The following ALDH2 variants were observed in gnomAD, a reference collection of about 807,000 sequenced individuals.
ALDH2 encodes aldehyde dehydrogenase 2 family member.
A neutral mutation model predicts 59.6 loss-of-function variants in ALDH2; 44 were observed. That is an observed-to-expected ratio of 0.74 (90% CI 0.58 to 0.95). ALDH2 has a LOEUF of 0.95. Among genes scored for constraint, ALDH2 ranks in the 40% least tolerant of loss-of-function variants. ALDH2 has a pLI of 0.00. For missense variants in ALDH2, 570 were observed against 696.3 expected (o/e 0.82, Z 2.04); for synonymous variants, 291 against 284.0 (o/e 1.02, Z -0.25).
At position 111,809,953 on chromosome 12, in the gene ALDH2, A is replaced by C; in HGVS notation, c.*378A>C. 3.6e-6 allele frequency: 1 copy of C among 279,822 alleles called. No individual in the cohort carries two copies. Among genetic ancestry groups the C allele is most frequent in the South Asian group, 5.8e-5 (1 of 17,140 alleles). 17.3% of individuals were successfully genotyped at this position (279,822 alleles called of 1,614,324 possible). A position where few individuals can be genotyped will look rare whatever the true frequency, so the allele number is the denominator to read the frequency against. On this transcript the variant is annotated 3_prime_UTR_variant, in exon 13 of 13. Coordinates refer to ENST00000261733, the MANE Select transcript of ALDH2 (RefSeq NM_000690.4). Reference sequence around the variant, plus strand: ...ACACCCTGCTTTGTATTCTGGGCTAAGATTCATTAAAAACTAGCTGCTCTT... The same window carrying C: ...ACACCCTGCTTTGTATTCTGGGCTACGATTCATTAAAAACTAGCTGCTCTT...
rs2068539203 is a variant in ALDH2 at position 111,811,994 on chromosome 12, A to G, written c.*2419A>G. ...CAAAAGGGGCAGGGTAAAGAGTGTGAGTCATCTCCAATGACAGGTAAGGTC... is the reference window on the plus strand; with the variant it reads ...CAAAAGGGGCAGGGTAAAGAGTGTGGGTCATCTCCAATGACAGGTAAGGTC... On this transcript the variant is annotated 3_prime_UTR_variant, in exon 13 of 13. Coordinates refer to ENST00000261733, the MANE Select transcript of ALDH2 (RefSeq NM_000690.4). 6.3e-6 allele frequency: 1 copy of G among 159,134 alleles called. No homozygotes were observed. The highest frequency in any genetic ancestry group is 3.2e-3 in the Middle Eastern group (1 of 312). The allele number at this position is 159,134 out of a possible 1,614,324, so 9.9% of individuals were successfully genotyped here.
rs2068561084 is a variant in ALDH2, at chr12:111,814,887, G to GA, written c.*5319dup. The GA allele has an allele frequency of 1.3e-5, 2 of 151,052 alleles. No individual in the cohort carries two copies. The highest frequency in any genetic ancestry group is 2.1e-4 in the South Asian group (1 of 4,800). The allele number at this position is 151,052 out of a possible 1,614,324, so 9.4% of individuals were successfully genotyped here. A position where few individuals can be genotyped will look rare whatever the true frequency, so the allele number is the denominator to read the frequency against. The stretch of plus-strand genomic sequence containing the variant: ...ATGTTATGTGAATTTCACCTCAACT[G>GA]AAAAAAACAGGGTCCCAGAGCTGGT... On this transcript the variant is annotated 3_prime_UTR_variant, in exon 13 of 13. Transcript: ENST00000261733.
intron 1 of ALDH2, among the ~76,000 whole-genome samples, chr12:111,776,024 A>G (rs1468677801): frequency 6.6e-6 from 1 of 152,166 alleles, no homozygotes; most frequent in Non-Finnish European, 1.5e-5. Flanking sequence ...TCAACAGTGA[A>G]GGGTGATTGA....
At chr12:111,790,098 C>A (rs1394241168) in intron 5 of ALDH2, among the ~76,000 whole-genome samples, 164 bp downstream of exon 5, 2 of 152,132 alleles carry the variant, frequency 1.3e-5, no homozygotes, top group African/African-American at 2.4e-5. Context: ...CACTGCCACT[C>A]GTGAATTCTG....
intron 1 of ALDH2, among the ~76,000 whole-genome samples, chr12:111,767,724 A>C (rs1398998588): frequency 6.6e-6 from 1 of 152,164 alleles, no homozygotes; most frequent in Non-Finnish European, 1.5e-5. Context: ...TCCAGGATAA[A>C]ACTGATTCCT....
At chr12:111,782,441 C>T (rs555192404) in intron 2 of ALDH2, among the ~76,000 whole-genome samples, 17 of 152,344 alleles carry the variant, frequency 1.1e-4, no homozygotes, top group South Asian at 8.3e-4. Context: ...TGTTTTTGGC[C>T]GGGCGCAGTG....
intron 11 of ALDH2, among the ~76,000 whole-genome samples, chr12:111,801,105 G>A (rs2068448227): frequency 6.6e-6 from 1 of 152,218 alleles, no homozygotes; most frequent in Non-Finnish European, 1.5e-5. Flanking sequence ...CCACGTGGCT[G>A]GGGAGGCCTC....
chr12:111,777,781 G>A (rs547680245), intron 1 of ALDH2, among the ~76,000 whole-genome samples: 26 of 152,250 alleles, frequency 1.7e-4, no homozygotes, highest in Admixed American at 4.6e-4. Context: ...TTGAACCTGA[G>A]CTCTTTATTG....
At chr12:111,773,876 C>T (rs1288851164) in intron 1 of ALDH2, among the ~76,000 whole-genome samples, 2 of 152,100 alleles carry the variant, frequency 1.3e-5, no homozygotes, top group Non-Finnish European at 2.9e-5. Context: ...TTGCCATTTA[C>T]GAAACCATGT....
In ALDH2 at chr12:111,800,043, C is replaced by G. The variant is rs753058436; in HGVS notation, c.1386C>G (p.Ala462=). The G allele has an allele frequency of 1.9e-6, 3 of 1,612,994 alleles. No homozygotes were observed. The Admixed American group carries it at 5.0e-5, about 27-fold the overall frequency. ...DLDKANYLSQ[A]LQAGTVWVNC... is the part of the protein sequence containing the mutation. Reference sequence around the variant, plus strand: ...ACAAGGCCAATTACCTGTCCCAGGCCCTCCAGGCGGGCACTGTGTGGTAAG... The same window carrying G: ...ACAAGGCCAATTACCTGTCCCAGGCGCTCCAGGCGGGCACTGTGTGGTAAG... The change falls in exon 11 of 13, where the codon GCC becomes GCG. Residue 462 remains alanine (A), a synonymous_variant. Transcript: ENST00000261733.
chr12:111,803,685 A>T (rs2068471558), intron 11 of ALDH2, among the ~76,000 whole-genome samples, 174 bp from the exon 12 acceptor site: 1 of 151,856 alleles, frequency 6.6e-6, no homozygotes, highest in African/African-American at 2.4e-5. Flanking sequence ...GCAACGAGCC[A>T]AGATCATGCC....
intron 10 of ALDH2, among the ~76,000 whole-genome samples, chr12:111,798,804 C>T (rs933174093): frequency 5.3e-5 from 8 of 151,896 alleles, no homozygotes; most frequent in African/African-American, 1.9e-4. Context: ...GTCATGAGTT[C>T]GAGACCAGCC....
chr12:111,814,869 G>A lies in ALDH2; in HGVS notation c.*5294G>A, dbSNP rs1050910736. 2.7e-5 allele frequency: 4 copies of A among 150,878 alleles called. No homozygotes were observed. The highest frequency in any genetic ancestry group is 1.5e-5 in the Non-Finnish European group (1 of 67,696). 9.3% of individuals were successfully genotyped at this position (150,878 alleles called of 1,614,324 possible). ...AAAAAAAAAGTAAATGCTATGTTAT[G>A]TGAATTTCACCTCAACTGAAAAAAA... On this transcript the variant is annotated 3_prime_UTR_variant, in exon 13 of 13. Transcript: ENST00000261733.
intron 11 of ALDH2, among the ~76,000 whole-genome samples, chr12:111,803,007 A>G (rs2068466792): frequency 6.6e-6 from 1 of 151,710 alleles, no homozygotes; most frequent in Non-Finnish European, 1.5e-5. Context: ...CCTGACCAAC[A>G]TGGTGAAACC....
At chr12:111,783,330 C>A in intron 3 of ALDH2, 32 bp downstream of exon 3, 1 of 1,576,272 alleles carries the variant, frequency 6.3e-7, no homozygotes. Context: ...CCCTCAGATC[C>A]CATGTGGTGA....
chr12:111,794,665 C>T (rs533666501), intron 9 of ALDH2, among the ~76,000 whole-genome samples: 2 of 152,046 alleles, frequency 1.3e-5, no homozygotes, highest in Non-Finnish European at 2.9e-5. Flanking sequence ...CGTCACCACA[C>T]CTGGCTAATA....
At chr12:111,782,592 A>G (rs2068280032) in intron 2 of ALDH2, among the ~76,000 whole-genome samples, 1 of 151,566 alleles carries the variant, frequency 6.6e-6, no homozygotes, top group Admixed American at 6.6e-5. Context: ...ATTTAAAACT[A>G]AGAAAATACA....
chr12:111,800,250 A>C (rs2068440430), intron 11 of ALDH2, among the ~76,000 whole-genome samples, 187 bp downstream of exon 11: 1 of 152,182 alleles, frequency 6.6e-6, no homozygotes, highest in African/African-American at 2.4e-5. Context: ...TCTGTGGTGC[A>C]AAGGCCCTGC....
intron 1 of ALDH2, among the ~76,000 whole-genome samples, chr12:111,776,483 G>A (rs963012765): frequency 1.4e-4 from 22 of 152,140 alleles, no homozygotes; most frequent in African/African-American, 5.1e-4. Flanking sequence ...AACCCAGGCC[G>A]GGCATGGTGG....
Sources: gnomAD v4.1 joint callset for allele counts (sites outside exome capture counted in the v4.1 genomes callset) on GRCh38, gnomAD v4.1.1 for gene constraint, MANE v1.5 for transcripts, NCBI Gene and HGNC (gene_info 2026-07-23, HGNC 2026-07-21) for gene names.